Variants in DACH1 observed in about 807,000 individuals in gnomAD.
DACH1 encodes the protein dachshund family transcription factor 1, also known as dachshund homolog 1.
Under a neutral mutation model 54.2 loss-of-function variants are expected in DACH1, and 12 were observed. The ratio of observed to expected loss-of-function variants is 0.22; its 90% CI spans 0.14 to 0.36. The LOEUF (loss-of-function observed/expected upper bound fraction) is 0.36. Ranked by LOEUF, DACH1 falls within the 10% of genes least tolerant of loss-of-function variation. The pLI, the probability that DACH1 is intolerant of heterozygous loss-of-function variation, is 1.00. For synonymous variants in DACH1, 386 were observed against 366.2 expected, an observed-to-expected ratio of 1.05 and a Z score of -0.62; for missense variants, 805 against 929.8, an observed-to-expected ratio of 0.87 and a Z score of 1.75.
At chr13:71,558,709 G>A (rs932354300) in intron 5 of DACH1, among the ~76,000 whole-genome samples, 7 of 151,746 alleles carry the variant, frequency 4.6e-5, no homozygotes, top group African/African-American at 7.3e-5. Context: ...ATACGTTTCC[G>A]GCAGGCCAAA....
At position 71,859,274 on chromosome 13, in the gene DACH1, AT is replaced by A. The variant is rs531785638; in HGVS notation, c.848+6647del. Among the ~76,000 whole-genome samples, 13 of 151,682 alleles carry A rather than the reference AT, an allele frequency of 8.6e-5. No individual in the cohort carries two copies. The South Asian group carries it at 2.5e-3, about 29-fold the overall frequency. ...TCCAATTTAGAAAGAATGAAAGATG[AT>A]TTTTTTTAAATGGGTGAATTCGAAT... On this transcript the variant is annotated intron_variant, in intron 1 of 10. Transcript: ENST00000613252.
At chr13:71,717,556 C>T (rs1407365875) in intron 1 of DACH1, among the ~76,000 whole-genome samples, 1 of 146,672 alleles carries the variant, frequency 6.8e-6, no homozygotes, top group Non-Finnish European at 1.5e-5. Flanking sequence ...TAATTCTATG[C>T]CTCTATGCCC....
At chr13:71,816,771 G>A (rs1887975328) in intron 1 of DACH1, among the ~76,000 whole-genome samples, 1 of 151,816 alleles carries the variant, frequency 6.6e-6, no homozygotes, top group Non-Finnish European at 1.5e-5. Flanking sequence ...GAGCCTGGAT[G>A]GAGATGGAGG....
At chr13:71,707,497 TGAACTGGAATTTG>T (rs1376887265) in intron 1 of DACH1, among the ~76,000 whole-genome samples, 1 of 152,036 alleles carries the variant, frequency 6.6e-6, no homozygotes, top group Non-Finnish European at 1.5e-5. Flanking sequence ...GTCATGAAAG[TGAACTGGAATTTG>T]GCAAGGGAAA....
intron 1 of DACH1, among the ~76,000 whole-genome samples, chr13:71,759,051 T>C (rs1026053091): frequency 6.6e-6 from 1 of 152,080 alleles, no homozygotes; most frequent in African/African-American, 2.4e-5. Context: ...AAGTCCATTA[T>C]CTTACACATT....
chr13:71,455,291 GAGAT>G (rs1335391353), intron 10 of DACH1, among the ~76,000 whole-genome samples: 6 of 151,866 alleles, frequency 4.0e-5, no homozygotes, highest in South Asian at 2.1e-4. Flanking sequence ...TCCATATATA[GAGAT>G]AGATAGATAT....
chr13:71,715,752 T>C (rs986939268), intron 1 of DACH1, among the ~76,000 whole-genome samples: 12 of 151,994 alleles, frequency 7.9e-5, no homozygotes, highest in African/African-American at 2.7e-4. Flanking sequence ...TAATGGGCTC[T>C]GAAAAATAAT....
chr13:71,858,044 C>T (rs535327697), intron 1 of DACH1, among the ~76,000 whole-genome samples: 23 of 151,708 alleles, frequency 1.5e-4, no homozygotes, highest in African/African-American at 5.3e-4. Flanking sequence ...GAATGTAATA[C>T]ACTATTTCTT....
At chr13:71,708,855 T>G (rs1358401754) in intron 1 of DACH1, among the ~76,000 whole-genome samples, 2 of 144,694 alleles carry the variant, frequency 1.4e-5, no homozygotes, top group East Asian at 2.0e-4. Context: ...TTTTGTTGTT[T>G]TTTTTTTTTT....
intron 6 of DACH1, among the ~76,000 whole-genome samples, chr13:71,550,267 C>T (rs1007189355): frequency 2.0e-5 from 3 of 152,084 alleles, no homozygotes; most frequent in African/African-American, 7.2e-5. Flanking sequence ...GCACTCCAGA[C>T]ATATATTATC....
rs773287423 is a variant in DACH1 at position 71,489,070 on chromosome 13, G to A, written c.1649C>T (p.Pro550Leu). 1.3e-5 allele frequency: 21 copies of A among 1,613,754 alleles called. No individual in the cohort carries two copies. The highest frequency in any genetic ancestry group is 1.7e-5 in the Non-Finnish European group (20 of 1,179,848). ...LSLTGHGQPL[P>L]PGFPSPFLFP... ...CAGAAAAGGAGATGGAAAACCTGGA[G>A]GCAGTGGTTGTCCATGCCCAGTTAG... The change falls in exon 7 of 11, where the codon CCT becomes CTT. Residue 550 changes from proline to leucine, a missense_variant. Physicochemically the swap from Pro to Leu is moderately conservative, Grantham distance 98 (BLOSUM62 -3). Around this residue, in one of 3 missense-constraint regions of DACH1, gnomAD observed 472 missense variants for 545.3 expected, o/e 0.87. Coordinates refer to ENST00000613252, the MANE Select transcript of DACH1 (RefSeq NM_080759.6).
chr13:71,694,229 C>T (rs765620933), intron 1 of DACH1, among the ~76,000 whole-genome samples: 2 of 152,170 alleles, frequency 1.3e-5, no homozygotes, highest in Middle Eastern at 3.4e-3. Context: ...CACACACATC[C>T]GCCATTCCCC....
At chr13:71,748,919 T>TCC (rs1255681631) in intron 1 of DACH1, among the ~76,000 whole-genome samples, 1 of 42,800 alleles carries the variant, frequency 2.3e-5, no homozygotes, top group African/African-American at 5.3e-5. Flanking sequence ...TTTCTTTCTT[T>TCC]CTTTCTTTCT....
chr13:71,539,779 A>T (rs377457428), intron 6 of DACH1, among the ~76,000 whole-genome samples: 17 of 152,216 alleles, frequency 1.1e-4, no homozygotes, highest in African/African-American at 4.1e-4. Context: ...ACTTTTATGA[A>T]AGTACTATGG....
At chr13:71,740,883 A>T (rs547458902) in intron 1 of DACH1, among the ~76,000 whole-genome samples, 6 of 152,030 alleles carry the variant, frequency 3.9e-5, no homozygotes, top group Middle Eastern at 3.4e-3. Context: ...ACATTTTTTT[A>T]AAATTATGTT....
chr13:71,689,205 C>G (rs951820396), intron 1 of DACH1, among the ~76,000 whole-genome samples: 1 of 152,128 alleles, frequency 6.6e-6, no homozygotes, highest in Non-Finnish European at 1.5e-5. Flanking sequence ...GAGAATTATT[C>G]CCCAAAAGTT....
intron 1 of DACH1, among the ~76,000 whole-genome samples, chr13:71,762,493 TCACTTTGGGAGGCCGAGGCGAGCAG>T (rs1158354871): frequency 6.6e-6 from 1 of 151,856 alleles, no homozygotes; most frequent in Non-Finnish European, 1.5e-5. Context: ...GCGTGGTGGC[TCACTTTGGGAGGCCGAGGCGAGCAG>T]CACTTTGGGA....
chr13:71,466,845 C>CAAAAAAA (rs55861394), intron 10 of DACH1, among the ~76,000 whole-genome samples: 4 of 99,436 alleles, frequency 4.0e-5, no homozygotes, highest in East Asian at 3.2e-4. Flanking sequence ...CACCCTGTCT[C>CAAAAAAA]AAAAAAAAAA....
intron 1 of DACH1, among the ~76,000 whole-genome samples, chr13:71,843,693 G>A (rs1175885342): frequency 6.6e-6 from 1 of 152,078 alleles, no homozygotes; most frequent in African/African-American, 2.4e-5. Context: ...AGCTTTTCTT[G>A]TTTATTAAAC....
Sources: gnomAD v4.1 joint callset for allele counts (sites outside exome capture counted in the v4.1 genomes callset) on GRCh38, gnomAD v4.1.1 for gene constraint, gnomAD v4.1.1 regional missense constraint, MANE v1.5 for transcripts, NCBI Gene and HGNC (gene_info 2026-07-23, HGNC 2026-07-21) for gene names.